SCAPER: variants seen among roughly 807,000 people sequenced by gnomAD.
SCAPER encodes S-phase cyclin A associated protein in the ER.
Under a neutral mutation model 182.2 loss-of-function variants are expected in SCAPER, and 98 were observed. That is an observed-to-expected ratio of 0.54 (90% CI 0.46 to 0.64). SCAPER has a LOEUF of 0.64. SCAPER is among the 30% of genes least tolerant of loss of function. SCAPER has a pLI of 0.00. For synonymous variants in SCAPER, 605 were observed against 564.6 expected (o/e 1.07, Z -1.01); for missense variants, 1,432 against 1,690.0 (o/e 0.85, Z 2.68).
At chr15:76,746,690 T>C (rs2061808486) in intron 15 of SCAPER, among the ~76,000 whole-genome samples, 1 of 152,112 alleles carries the variant, frequency 6.6e-6, no homozygotes, top group Admixed American at 6.5e-5. Flanking sequence ...AGACATAAGA[T>C]CAATATATAA....
chr15:76,882,482 T>TA (rs1412408459), intron 2 of SCAPER, among the ~76,000 whole-genome samples: 4 of 150,408 alleles, frequency 2.7e-5, no homozygotes, highest in Non-Finnish European at 4.4e-5. Flanking sequence ...TAGGGCAGAT[T>TA]AAAAAAAAAG....
intron 23 of SCAPER, among the ~76,000 whole-genome samples, chr15:76,543,660 T>A (rs1236698114): frequency 6.6e-6 from 1 of 152,144 alleles, no homozygotes; most frequent in Non-Finnish European, 1.5e-5. Flanking sequence ...CATGGATGCT[T>A]CAAAGTGGAG....
At chr15:76,879,479 G>A (rs2073393322) in intron 2 of SCAPER, among the ~76,000 whole-genome samples, 1 of 152,140 alleles carries the variant, frequency 6.6e-6, no homozygotes. Flanking sequence ...GAATGTTAGA[G>A]AAAAGACTCT....
intron 28 of SCAPER, among the ~76,000 whole-genome samples, chr15:76,377,927 A>G (rs532133197): frequency 3.3e-5 from 5 of 152,280 alleles, no homozygotes; most frequent in African/African-American, 1.2e-4. Flanking sequence ...GTCAGTTCAC[A>G]TTTTCTGAGG....
intron 25 of SCAPER, among the ~76,000 whole-genome samples, chr15:76,451,313 C>T (rs1211764099): frequency 2.0e-5 from 3 of 152,166 alleles, no homozygotes; most frequent in African/African-American, 4.8e-5. Context: ...AATAAGGATG[C>T]TAAGATCATT....
At chr15:76,872,513 C>G (rs906638481) in intron 2 of SCAPER, among the ~76,000 whole-genome samples, 1 of 151,856 alleles carries the variant, frequency 6.6e-6, no homozygotes, top group African/African-American at 2.4e-5. Context: ...TTCCAACAAA[C>G]GGACATGATA....
chr15:76,653,849 G>C (rs1410776553), intron 21 of SCAPER, among the ~76,000 whole-genome samples: 3 of 152,124 alleles, frequency 2.0e-5, no homozygotes, highest in East Asian at 3.9e-4. Flanking sequence ...ACAAGAATAA[G>C]CAACAAGTGG....
chr15:76,617,293 T>G (rs1342577475), intron 22 of SCAPER, among the ~76,000 whole-genome samples: 3 of 152,228 alleles, frequency 2.0e-5, no homozygotes, highest in Non-Finnish European at 2.9e-5. Context: ...CTTTGATTAA[T>G]CAGTAATTTA....
At chr15:76,609,137 G>A (rs1346288263) in intron 22 of SCAPER, among the ~76,000 whole-genome samples, 1 of 152,100 alleles carries the variant, frequency 6.6e-6, no homozygotes, top group African/African-American at 2.4e-5. Flanking sequence ...CTGTAGACTG[G>A]AGCTGTTCCT....
chr15:76,850,837 G>A (rs1281284542), intron 4 of SCAPER, among the ~76,000 whole-genome samples: 1 of 147,938 alleles, frequency 6.8e-6, no homozygotes, highest in South Asian at 2.2e-4. Context: ...TCCAGCCTGG[G>A]CGAAAGAGCA....
In SCAPER at chr15:76,426,556, A is replaced by G. The variant is rs193237666; in HGVS notation, c.3311+7522T>C. ...AACTGCCCGAGAATTTTTTTTTATA[A>G]AAAGAAAGAGGGCACCAATAAATGG... is the stretch of plus-strand genomic sequence containing the variant. On this transcript the variant is annotated intron_variant, in intron 26 of 31. Transcript: ENST00000563290. Among the ~76,000 whole-genome samples the G allele has an allele frequency of 2.2e-4, 34 of 152,250 alleles. 1 individual carries two copies. Among genetic ancestry groups the G allele is most frequent in the Admixed American group, 2.1e-3 (32 of 15,284 alleles).
intron 20 of SCAPER, among the ~76,000 whole-genome samples, chr15:76,682,653 A>G (rs1042161741): frequency 1.3e-5 from 2 of 152,172 alleles, no homozygotes; most frequent in Non-Finnish European, 2.9e-5. Context: ...GGTACCACCC[A>G]TTAGAGTGTT....
At chr15:76,356,916 C>T (rs746192850) in intron 29 of SCAPER, among the ~76,000 whole-genome samples, 4 of 151,982 alleles carry the variant, frequency 2.6e-5, no homozygotes, top group Admixed American at 6.5e-5. Context: ...CACCTTCAGA[C>T]GCAGAGTAGG....
At chr15:76,493,193 C>G (rs1378862170) in intron 24 of SCAPER, among the ~76,000 whole-genome samples, 2 of 152,114 alleles carry the variant, frequency 1.3e-5, no homozygotes, top group East Asian at 3.9e-4. Context: ...GAGTTTGCAT[C>G]AAGTCAATAT....
At chr15:76,729,309 C>CAT (rs1228034128) in intron 16 of SCAPER, among the ~76,000 whole-genome samples, 8 of 151,554 alleles carry the variant, frequency 5.3e-5, no homozygotes, top group African/African-American at 9.7e-5. Context: ...CACACACACA[C>CAT]ACACACACAC....
At chr15:76,738,732 G>A (rs932830416) in intron 15 of SCAPER, among the ~76,000 whole-genome samples, 10 of 152,032 alleles carry the variant, frequency 6.6e-5, no homozygotes, top group African/African-American at 1.4e-4. Context: ...ATATGAGTGT[G>A]GCTCATGGCA....
chr15:76,374,508 G>A (rs1172725045), intron 29 of SCAPER, among the ~76,000 whole-genome samples: 2 of 145,010 alleles, frequency 1.4e-5, no homozygotes, highest in Non-Finnish European at 3.0e-5. Flanking sequence ...TTTTTAGACA[G>A]AGTTTTGCTC....
rs576726417 is a variant in SCAPER at position 76,684,440 on chromosome 15, C to T, written c.2508+17318G>A. ...TACACATTGTATGCCTGTATCAAAACATCACATGTACACCACAATTATATT... is the reference window on the plus strand; with the variant it reads ...TACACATTGTATGCCTGTATCAAAATATCACATGTACACCACAATTATATT... On this transcript the variant is annotated intron_variant, in intron 20 of 31. Coordinates refer to ENST00000563290, the MANE Select transcript of SCAPER (RefSeq NM_020843.4). Among the ~76,000 whole-genome samples, 6 of 152,174 alleles carry T rather than the reference C, an allele frequency of 3.9e-5. 1 individual carries two copies. Among genetic ancestry groups the T allele is most frequent in the African/African-American group, 1.4e-4 (6 of 41,520 alleles).
At chr15:76,540,745 G>A (rs2044669225) in intron 23 of SCAPER, among the ~76,000 whole-genome samples, 1 of 151,654 alleles carries the variant, frequency 6.6e-6, no homozygotes, top group Non-Finnish European at 1.5e-5. Context: ...TATTTTCAAA[G>A]GGCCTTGTAA....
Sources: gnomAD v4.1 joint callset for allele counts (sites outside exome capture counted in the v4.1 genomes callset) on GRCh38, gnomAD v4.1.1 for gene constraint, MANE v1.5 for transcripts, NCBI Gene and HGNC (gene_info 2026-07-23, HGNC 2026-07-21) for gene names.